The following DNAJC17 variants were observed in gnomAD, a reference collection of about 807,000 sequenced individuals.
The protein encoded by DNAJC17 is DnaJ heat shock protein family (Hsp40) member C17.
In DNAJC17, 35 loss-of-function variants were observed where a neutral mutation model predicts 48.1. The observed-to-expected ratio is 0.73, with a 90% CI of 0.56 to 0.96. The LOEUF is 0.96. Among genes scored for constraint, DNAJC17 ranks in the 50% least tolerant of loss-of-function variants. The pLI is 0.00. For missense variants in DNAJC17, 355 were observed against 377.1 expected (o/e 0.94, Z 0.48); for synonymous variants, 117 against 142.7 (o/e 0.82, Z 1.28).
Position 40,767,283 on chromosome 15 carries a change from G to A in DNAJC17, c.*657C>T, listed in dbSNP as rs149719928. On this transcript the variant is annotated 3_prime_UTR_variant, in exon 11 of 11. Transcript: ENST00000220496. Reference sequence around the variant, plus strand: ...TAGTCCTGGACAAGCTGGAACGCAGGGGCTTCCGTGTGCTGAGCATGACGG... The same window carrying A: ...TAGTCCTGGACAAGCTGGAACGCAGAGGCTTCCGTGTGCTGAGCATGACGG... 1,824 of 1,604,102 alleles carry A rather than the reference G, an allele frequency of 1.1e-3. No individual in the cohort carries two copies. The highest frequency in any genetic ancestry group is 1.5e-3 in the Non-Finnish European group (1,733 of 1,175,482).
intron 1 of DNAJC17, among the ~76,000 whole-genome samples, chr15:40,794,712 AATTT>A (rs1197831781): frequency 6.6e-6 from 1 of 152,044 alleles, no homozygotes; most frequent in Non-Finnish European, 1.5e-5. Context: ...CTCTTTATTA[AATTT>A]ATTTATTTAT....
At chr15:40,801,968 CAG>C (rs924665358) in intron 1 of DNAJC17, among the ~76,000 whole-genome samples, 1 of 151,798 alleles carries the variant, frequency 6.6e-6, no homozygotes, top group Non-Finnish European at 1.5e-5. Context: ...GTGGTGGAGA[CAG>C]AGAGGGTGAA....
chr15:40,772,319 A>G (rs1333516264), intron 10 of DNAJC17: 1 of 167,172 alleles, frequency 6.0e-6, no homozygotes, highest in East Asian at 1.9e-4. Flanking sequence ...CGCTAAGAGT[A>G]GCAAAGGGGA....
At chr15:40,782,756 C>T (rs940895343) in intron 1 of DNAJC17, among the ~76,000 whole-genome samples, 1 of 152,164 alleles carries the variant, frequency 6.6e-6, no homozygotes, top group Non-Finnish European at 1.5e-5. Flanking sequence ...TGCTGGGCAA[C>T]TCCTCCATCC....
At chr15:40,780,878 G>A (rs1401231073) in intron 1 of DNAJC17, among the ~76,000 whole-genome samples, 2 of 151,958 alleles carry the variant, frequency 1.3e-5, no homozygotes, top group Non-Finnish European at 2.9e-5. Context: ...CGGACATGGT[G>A]GCTCACGCCT....
intron 9 of DNAJC17, 43 bp from the exon 10 acceptor site, chr15:40,773,880 G>T (rs1889235550): frequency 1.3e-6 from 2 of 1,549,252 alleles, no homozygotes; most frequent in Non-Finnish European, 1.8e-6. Context: ...CGTTGAGTCA[G>T]CTATAAAGAG....
chr15:40,787,480 C>T (rs951112115), intron 1 of DNAJC17, among the ~76,000 whole-genome samples: 9 of 152,154 alleles, frequency 5.9e-5, no homozygotes, highest in African/African-American at 2.2e-4. Context: ...ATTTCTCCTC[C>T]TCCCTGCTAA....
At chr15:40,805,783 A>G (rs1890196451) in intron 1 of DNAJC17, among the ~76,000 whole-genome samples, 1 of 152,052 alleles carries the variant, frequency 6.6e-6, no homozygotes, top group Non-Finnish European at 1.5e-5. Flanking sequence ...GTAAGCCGAG[A>G]TCGCGCCACT....
At chr15:40,807,323 G>C (rs1457868177) in intron 1 of DNAJC17, 46 bp downstream of exon 1, 1 of 1,614,106 alleles carries the variant, frequency 6.2e-7, no homozygotes, top group African/African-American at 1.3e-5. Context: ...GGACAGGAAG[G>C]ACCGCCAGAC....
chr15:40,779,299 G>A lies in DNAJC17; in HGVS notation c.219C>T (p.Asp73=), dbSNP rs1889413597. The A allele has an allele frequency of 3.1e-6, 5 of 1,614,044 alleles. No individual in the cohort carries two copies. Among genetic ancestry groups the A allele is most frequent in the South Asian group, 2.2e-5 (2 of 91,072 alleles). ...LTDAAARAAY[D]KVRKAKKQAA... is the part of the protein sequence containing the mutation. ...CTTGCTTCTTGGCTTTCCTGACCTTGTCATATGCAGCCTGGCAGGAGAAAG... is the reference window on the plus strand; with the variant it reads ...CTTGCTTCTTGGCTTTCCTGACCTTATCATATGCAGCCTGGCAGGAGAAAG... Residue 73 remains aspartate, a synonymous_variant, in exon 4 of 11, where the codon GAC becomes GAT. Transcript: ENST00000220496.
chr15:40,799,354 A>C (rs77192958), intron 1 of DNAJC17, among the ~76,000 whole-genome samples: 2,288 of 151,832 alleles, frequency 0.015, 61 homozygotes, highest in African/African-American at 0.052. Context: ...AAAAAAAAAA[A>C]CCACACCATG....
intron 10 of DNAJC17, among the ~76,000 whole-genome samples, chr15:40,768,333 G>A (rs1273802314): frequency 6.6e-6 from 1 of 152,156 alleles, no homozygotes; most frequent in Non-Finnish European, 1.5e-5. Flanking sequence ...TGTTTCTCAG[G>A]AATCACCTGC....
chr15:40,800,014 GTTGT>G (rs1484420334), intron 1 of DNAJC17, among the ~76,000 whole-genome samples: 1 of 151,614 alleles, frequency 6.6e-6, no homozygotes, highest in East Asian at 1.9e-4. Context: ...TGTTGTTGTT[GTTGT>G]TTTTGTCTTC....
At chr15:40,783,387 C>T (rs1372920078) in intron 1 of DNAJC17, among the ~76,000 whole-genome samples, 2 of 151,986 alleles carry the variant, frequency 1.3e-5, no homozygotes, top group Non-Finnish European at 2.9e-5. Context: ...ATCCTATCTC[C>T]ACCCTCTCTC....
chr15:40,774,511 G>C (rs903382509), intron 8 of DNAJC17, 75 bp from the exon 9 acceptor site: 23 of 1,552,596 alleles, frequency 1.5e-5, no homozygotes, highest in Non-Finnish European at 1.9e-5. Context: ...AGACAAGCCT[G>C]GGCTACCTTG....
chr15:40,797,554 A>G (rs994440441), intron 1 of DNAJC17, among the ~76,000 whole-genome samples: 1 of 150,468 alleles, frequency 6.6e-6, no homozygotes, highest in African/African-American at 2.4e-5. Flanking sequence ...CTGGGATTAC[A>G]GGCACCCGCC....
At chr15:40,807,317 AG>A (rs1188470137) in intron 1 of DNAJC17, 51 bp downstream of exon 1, 4 of 1,614,066 alleles carry the variant, frequency 2.5e-6, no homozygotes, top group Non-Finnish European at 3.4e-6. Flanking sequence ...GCGCTAGGAC[AG>A]GAAGGACCGC....
chr15:40,798,454 T>C (rs751584679), intron 1 of DNAJC17, among the ~76,000 whole-genome samples: 1 of 152,208 alleles, frequency 6.6e-6, no homozygotes, highest in Non-Finnish European at 1.5e-5. Flanking sequence ...GTAAATGTAC[T>C]TAATGCCAGT....
intron 6 of DNAJC17, 41 bp downstream of exon 6, chr15:40,776,155 G>A (rs748667057): frequency 1.9e-5 from 30 of 1,596,302 alleles, no homozygotes; most frequent in African/African-American, 5.4e-5. Context: ...GCAATCTGGA[G>A]CTACCTTGGA....
Sources: gnomAD v4.1 joint callset for allele counts (sites outside exome capture counted in the v4.1 genomes callset) on GRCh38, gnomAD v4.1.1 for gene constraint, MANE v1.5 for transcripts, NCBI Gene and HGNC (gene_info 2026-07-23, HGNC 2026-07-21) for gene names.